TRPV2: variants seen among roughly 807,000 people sequenced by gnomAD.
The protein encoded by TRPV2 is transient receptor potential cation channel subfamily V member 2.
TRPV2 carries 58 observed loss-of-function variants against 91.0 expected under a neutral mutation model. The observed-to-expected ratio is 0.64, with a 90% CI of 0.52 to 0.79. The LOEUF (loss-of-function observed/expected upper bound fraction) is 0.79. Among genes scored for constraint, TRPV2 ranks in the 30% least tolerant of loss-of-function variants. The pLI is 0.00. For synonymous variants in TRPV2, 417 were observed against 414.8 expected (o/e 1.01, Z -0.06); for missense variants, 807 against 969.6 (o/e 0.83, Z 2.23).
At chr17:16,434,588 C>T (rs1463816152) in intron 13 of TRPV2, 3 of 334,996 alleles carry the variant, frequency 9.0e-6, no homozygotes, top group African/African-American at 6.4e-5. Flanking sequence ...CCCCAGAACC[C>T]GGAAGCACAG....
intron 13 of TRPV2, among the ~76,000 whole-genome samples, chr17:16,434,361 A>G (rs1243572777): frequency 2.6e-5 from 4 of 151,414 alleles, no homozygotes; most frequent in East Asian, 3.9e-4. Flanking sequence ...CCAGCTACTC[A>G]GGAGGCCGAC....
chr17:16,430,925 T>G (rs1387842687), intron 10 of TRPV2, among the ~76,000 whole-genome samples: 1 of 152,132 alleles, frequency 6.6e-6, no homozygotes. Context: ...AACAAGGGTG[T>G]AAAAGTATCT....
chr17:16,436,447 A>G (rs2093434241), intron 14 of TRPV2, among the ~76,000 whole-genome samples: 1 of 151,968 alleles, frequency 6.6e-6, no homozygotes, highest in Admixed American at 6.6e-5. Context: ...TCCCCTCTGG[A>G]TGTCCAAATC....
intron 10 of TRPV2, among the ~76,000 whole-genome samples, chr17:16,431,499 A>G (rs1465732362): frequency 6.6e-6 from 1 of 151,646 alleles, no homozygotes; most frequent in Non-Finnish European, 1.5e-5. Flanking sequence ...CGGTTTCACC[A>G]TGTTGGCCAG....
intron 10 of TRPV2, among the ~76,000 whole-genome samples, chr17:16,431,292 T>TACACA: frequency 6.1e-5 from 1 of 16,296 alleles, no homozygotes; most frequent in African/African-American, 3.4e-4. Flanking sequence ...TATATACATA[T>TACACA]TTTTTTTTTT....
intron 8 of TRPV2, 116 bp from the exon 9 acceptor site, chr17:16,428,201 A>G (rs778363915): frequency 3.1e-5 from 30 of 957,906 alleles, no homozygotes; most frequent in East Asian, 7.2e-5. Flanking sequence ...GAGTCCCCCA[A>G]AACCAAAGCT....
chr17:16,424,175 T>G (rs2093372057), intron 5 of TRPV2, among the ~76,000 whole-genome samples: 1 of 131,958 alleles, frequency 7.6e-6, no homozygotes. Context: ...TTTTTTTTTT[T>G]GAGACGGACC....
Position 16,435,135 on chromosome 17 carries a change from G to A in TRPV2, c.2194+166G>A, listed in dbSNP as rs116109559. Among the ~76,000 whole-genome samples the A allele has an allele frequency of 3.6e-4, 54 of 150,788 alleles. No homozygotes were observed. Among genetic ancestry groups the A allele is most frequent in the African/African-American group, 1.3e-3 (52 of 40,136 alleles). On this transcript the variant is annotated intron_variant, in intron 14 of 14. Transcript: ENST00000338560. The surrounding 1 kb of genome is among the most constrained non-coding windows in gnomAD (Gnocchi z 4.2). ...GAGGGATTGCCTCCTTAAAACAGTG[G>A]TTCCCTCCTTTCCTTTCCACCCACA...
Position 16,419,639 on chromosome 17 carries a change from T to G in TRPV2, c.201-476T>G, listed in dbSNP as rs1291548454. Among the ~76,000 whole-genome samples the G allele has an allele frequency of 1.3e-5, 2 of 152,166 alleles. 1 individual carries two copies. Among genetic ancestry groups the G allele is most frequent in the Admixed American group, 1.3e-4 (2 of 15,282 alleles). On this transcript the variant is annotated intron_variant, in intron 2 of 14. Coordinates refer to ENST00000338560, the MANE Select transcript of TRPV2 (RefSeq NM_016113.5). ...AGAATATTCTGTAGTTAATAGATGGTTTCTAAGAGGAGAAGGGAGATTTTC... is the reference window on the plus strand; with the variant it reads ...AGAATATTCTGTAGTTAATAGATGGGTTCTAAGAGGAGAAGGGAGATTTTC...
At chr17:16,433,804 G>A (rs2093423909) in intron 13 of TRPV2, 106 bp downstream of exon 13, 8 of 1,497,202 alleles carry the variant, frequency 5.3e-6, no homozygotes, top group Non-Finnish European at 6.3e-6. Flanking sequence ...CTGGTGGGAA[G>A]GGCAGGCCCA....
chr17:16,421,807 T>C (rs1291510516), intron 3 of TRPV2, among the ~76,000 whole-genome samples: 3 of 148,270 alleles, frequency 2.0e-5, no homozygotes, highest in East Asian at 2.2e-4. Flanking sequence ...CGTGAGCCAC[T>C]GCGCCTGGCC....
At chr17:16,419,896 A>C (rs1393708559) in intron 2 of TRPV2, among the ~76,000 whole-genome samples, 1 of 152,218 alleles carries the variant, frequency 6.6e-6, no homozygotes, top group African/African-American at 2.4e-5. Flanking sequence ...ATGGGGATGA[A>C]GCAGCTTAGT....
At chr17:16,423,850 G>A in intron 5 of TRPV2, 83 bp downstream of exon 5, 1 of 1,404,008 alleles carries the variant, frequency 7.1e-7, no homozygotes, top group African/African-American at 1.4e-5. Context: ...GAACCCAGGG[G>A]GTGGTGAAGA....
At chr17:16,427,864 G>A (rs2093391200) in intron 8 of TRPV2, among the ~76,000 whole-genome samples, 1 of 152,190 alleles carries the variant, frequency 6.6e-6, no homozygotes, top group South Asian at 2.1e-4. Flanking sequence ...TCCCCTCTTG[G>A]GGAGCACAGA....
At chr17:16,418,852 A>C (rs1042629407) in intron 2 of TRPV2, among the ~76,000 whole-genome samples, 1 of 152,106 alleles carries the variant, frequency 6.6e-6, no homozygotes, top group African/African-American at 2.4e-5. Context: ...TAGAGCCCTC[A>C]TGGTCATGTG....
At chr17:16,417,524 C>T (rs1158013153) in intron 1 of TRPV2, 38 bp from the exon 2 acceptor site, 4 of 817,554 alleles carry the variant, frequency 4.9e-6, no homozygotes, top group African/African-American at 1.7e-5. Context: ...AGCCACCACG[C>T]CCAGCCTTTT....
chr17:16,426,220 G>A lies in TRPV2; in HGVS notation c.1046G>A (p.Cys349Tyr), dbSNP rs201401044. 4.8e-4 allele frequency: 769 copies of A among 1,614,090 alleles called. No homozygotes were observed. The highest frequency in any genetic ancestry group is 6.4e-4 in the Non-Finnish European group (753 of 1,180,048). ...TATGACCTGGCTTCTGTGGACAGCT[G>A]TGAGGAGAACTCAGTGCTGGAGATC... ...SLYDLASVDS[C>Y]EENSVLEIIA... The change falls in exon 6 of 15, where the codon TGT (cysteine) becomes TAT (tyrosine). Residue 349 changes from cysteine (C) to tyrosine (Y), a missense_variant. Physicochemically the swap from Cys to Tyr is radical, Grantham distance 194 (BLOSUM62 -2). Coordinates refer to ENST00000338560, the MANE Select transcript of TRPV2 (RefSeq NM_016113.5). The surrounding 1 kb of genome is among the most constrained non-coding windows in gnomAD (Gnocchi z 6.0).
At chr17:16,434,518 C>T (rs1241384409) in intron 13 of TRPV2, among the ~76,000 whole-genome samples, 2 of 151,804 alleles carry the variant, frequency 1.3e-5, no homozygotes, top group African/African-American at 4.8e-5. Flanking sequence ...CAGACACTGT[C>T]GTGAGGCAGC....
chr17:16,427,017 T>C, intron 7 of TRPV2, 140 bp downstream of exon 7: 1 of 938,828 alleles, frequency 1.1e-6, no homozygotes, highest in Non-Finnish European at 1.6e-6. Context: ...AGCACTGCAG[T>C]ACTAACGGTG....
Sources: gnomAD v4.1 joint callset for allele counts (sites outside exome capture counted in the v4.1 genomes callset) on GRCh38, gnomAD v4.1.1 for gene constraint, Gnocchi (gnomAD v3.1) non-coding constraint, MANE v1.5 for transcripts, NCBI Gene and HGNC (gene_info 2026-07-23, HGNC 2026-07-21) for gene names.